DCBLD1: variants seen among roughly 807,000 people sequenced by gnomAD.
DCBLD1 encodes discoidin, CUB and LCCL domain containing 1.
A neutral mutation model predicts 71.5 loss-of-function variants in DCBLD1; 57 were observed. The ratio of observed to expected loss-of-function variants is 0.80; its 90% CI spans 0.64 to 0.99. DCBLD1 has a LOEUF of 0.99. Ranked by LOEUF, DCBLD1 falls within the 50% of genes least tolerant of loss-of-function variation. DCBLD1 has a pLI of 0.00. For synonymous variants in DCBLD1, 380 were observed against 363.8 expected, an observed-to-expected ratio of 1.04 and a Z score of -0.51; for missense variants, 891 against 923.5, an observed-to-expected ratio of 0.96 and a Z score of 0.46.
intron 5 of DCBLD1, among the ~76,000 whole-genome samples, chr6:117,525,971 A>G (rs996709753): frequency 2.0e-5 from 3 of 152,200 alleles, no homozygotes; most frequent in African/African-American, 7.2e-5. Context: ...ATTTACAGAA[A>G]TCTAGTATCT....
In DCBLD1 at chr6:117,521,585, A is replaced by T; in HGVS notation, c.512+9A>T. ...TTGAAGACAGAATACAGGTAAGTAT[A>T]GGTATCCTAACTGTGTTGCAGTCGT... On this transcript the variant is annotated intron_variant, in intron 4 of 14. Transcript: ENST00000338728. The T allele has an allele frequency of 6.4e-7, 1 of 1,559,358 alleles. No individual in the cohort carries two copies.
At chr6:117,544,692 C>T in intron 13 of DCBLD1, 115 bp downstream of exon 13, 1 of 1,069,756 alleles carries the variant, frequency 9.3e-7, no homozygotes, top group South Asian at 1.7e-5. Context: ...AAGACATAAG[C>T]CCTGTAGCCT....
chr6:117,503,784 C>G lies in DCBLD1; in HGVS notation c.130C>G (p.Leu44Val). ...AEELGDGCGH[L>V]VTYQDSGTMT... The stretch of plus-strand genomic sequence containing the variant: ...TTTACCAGGTGATGGCTGTGGACAC[C>G]TAGTGACTTATCAGGATAGTGGCAC... The change falls in exon 2 of 15, where the codon CTA becomes GTA. Residue 44 changes from leucine (L) to valine (V), a missense_variant. Transcript: ENST00000338728. 6.2e-7 allele frequency: 1 copy of G among 1,613,996 alleles called. No individual in the cohort carries two copies. The highest frequency in any genetic ancestry group is 8.5e-7 in the Non-Finnish European group (1 of 1,179,980).
intron 1 of DCBLD1, among the ~76,000 whole-genome samples, chr6:117,483,701 C>CTT (rs71717606): frequency 0.086 from 12,597 of 146,568 alleles, 707 homozygotes; most frequent in African/African-American, 0.16. Context: ...TTAATTAGTG[C>CTT]TTTTTTTTTT....
intron 7 of DCBLD1, 93 bp from the exon 8 acceptor site, chr6:117,538,527 G>C (rs1778976174): frequency 6.7e-6 from 8 of 1,201,632 alleles, no homozygotes; most frequent in African/African-American, 1.5e-5. Flanking sequence ...AAGTCAACTA[G>C]TTGAATATTT....
intron 9 of DCBLD1, chr6:117,540,140 G>A (rs995819637): frequency 6.6e-6 from 1 of 152,622 alleles, no homozygotes; most frequent in African/African-American, 2.4e-5. Flanking sequence ...TAAGAAATGT[G>A]TCAATAAAAA....
downstream of DCBLD1, among the ~76,000 whole-genome samples, chr6:117,552,700 C>A (rs1029790295): frequency 3.9e-5 from 6 of 152,174 alleles, no homozygotes; most frequent in East Asian, 1.2e-3. Context: ...TTTATGGTTT[C>A]TTGACTTCCA....
At chr6:117,543,244 C>G in intron 12 of DCBLD1, 33 bp downstream of exon 12, 2 of 1,597,894 alleles carry the variant, frequency 1.3e-6, no homozygotes, top group South Asian at 2.2e-5. Flanking sequence ...AATTTCTTCT[C>G]TAATTATGCG....
At chr6:117,488,488 T>C (rs145943571) in intron 1 of DCBLD1, among the ~76,000 whole-genome samples, 52 of 151,868 alleles carry the variant, frequency 3.4e-4, no homozygotes, top group African/African-American at 1.1e-3. Flanking sequence ...CTACAAAAAA[T>C]ACAAAAATTT....
chr6:117,510,651 A>G (rs1000620307), intron 2 of DCBLD1, among the ~76,000 whole-genome samples: 2 of 152,194 alleles, frequency 1.3e-5, no homozygotes, highest in Non-Finnish European at 2.9e-5. Context: ...TTTAGGACTG[A>G]GATTATAAGT....
chr6:117,482,931 G>T (rs1364741532), intron 1 of DCBLD1, 38 bp downstream of exon 1: 13 of 1,164,414 alleles, frequency 1.1e-5, no homozygotes, highest in Non-Finnish European at 1.4e-5. Context: ...GGGACCCGAG[G>T]CGCCAGGGGC....
chr6:117,547,951 A>T lies in DCBLD1; in HGVS notation c.1660A>T (p.Lys554Ter). The T allele has an allele frequency of 2.6e-6, 4 of 1,550,562 alleles. No homozygotes were observed. The highest frequency in any genetic ancestry group is 3.5e-6 in the Non-Finnish European group (4 of 1,146,972). The part of the protein sequence containing the change: ...LMIGTGTVTR[K>*]GSTFRPMDTD... Reference sequence around the variant, plus strand: ...GATTGGCACCGGGACAGTCACGAGGAAGGGCTCCACCTTCCGGCCCATGGA... The same window carrying T: ...GATTGGCACCGGGACAGTCACGAGGTAGGGCTCCACCTTCCGGCCCATGGA... The change falls in exon 15 of 15, where the codon AAG becomes TAG. Residue 554 changes from lysine to a stop codon, truncating the protein, a stop_gained. Transcript: ENST00000338728. LOFTEE classifies it low-confidence loss of function (END_TRUNC).
At chr6:117,544,019 A>G (rs896702992) in intron 12 of DCBLD1, among the ~76,000 whole-genome samples, 5 of 152,242 alleles carry the variant, frequency 3.3e-5, no homozygotes, top group Non-Finnish European at 7.3e-5. Flanking sequence ...CAACTTCAGA[A>G]TCTATAATGT....
intron 14 of DCBLD1, among the ~76,000 whole-genome samples, chr6:117,563,690 C>A (rs543335489): frequency 6.6e-6 from 1 of 150,844 alleles, no homozygotes; most frequent in African/African-American, 2.4e-5. Context: ...CCACCGCACT[C>A]TAGCCTGGGT....
chr6:117,482,743 G>C lies in DCBLD1; in HGVS notation c.-39G>C. ...GCAGCTGCGGCTCGGGATCCGTCGA[G>C]GGGAGGCCGAGCTTGCCAAGCTGGC... On this transcript the variant is annotated 5_prime_UTR_variant, in exon 1 of 15. Transcript: ENST00000338728. The C allele has an allele frequency of 8.9e-7, 1 of 1,122,276 alleles. No homozygotes were observed. The highest frequency in any genetic ancestry group is 1.1e-6 in the Non-Finnish European group (1 of 918,452). The allele number at this position is 1,122,276 out of a possible 1,614,324, so 69.5% of individuals were successfully genotyped here.
chr6:117,541,154 C>A (rs1583027913), intron 11 of DCBLD1, 129 bp downstream of exon 11: 2 of 732,374 alleles, frequency 2.7e-6, no homozygotes, highest in East Asian at 5.4e-5. Context: ...GTGGTATTGG[C>A]ACATATGTAA....
intron 1 of DCBLD1, among the ~76,000 whole-genome samples, chr6:117,489,390 A>C (rs1303014358): frequency 6.6e-6 from 1 of 152,188 alleles, no homozygotes; most frequent in Non-Finnish European, 1.5e-5. Context: ...CACCTCCAGC[A>C]TTGGGGATCA....
chr6:117,569,818 TAAA>T, exon 15 of DCBLD1: 1 of 1,372,744 alleles, frequency 7.3e-7, no homozygotes, highest in East Asian at 2.8e-5. Flanking sequence ...AATATTTTCT[TAAA>T]AATATATTTC....
rs1175425525 is a variant in DCBLD1, at chr6:117,549,712, G to A, written c.*1273G>A. ...GAAGGTCATGGCAGACTAGCTGCTG[G>A]TTAGTGTGGAGGGGAAATGGTTTAC... On this transcript the variant is annotated 3_prime_UTR_variant, in exon 15 of 15. Transcript: ENST00000338728. The A allele has an allele frequency of 2.8e-5, 28 of 985,318 alleles. No individual in the cohort carries two copies. The highest frequency in any genetic ancestry group is 3.3e-5 in the Non-Finnish European group (27 of 829,968). The allele number at this position is 985,318 out of a possible 1,614,324, so 61.0% of individuals were successfully genotyped here. A position where few individuals can be genotyped will look rare whatever the true frequency, so the allele number is the denominator to read the frequency against.
Sources: gnomAD v4.1 joint callset for allele counts (sites outside exome capture counted in the v4.1 genomes callset) on GRCh38, gnomAD v4.1.1 for gene constraint, MANE v1.5 for transcripts, NCBI Gene and HGNC (gene_info 2026-07-23, HGNC 2026-07-21) for gene names.